SLC26A11: variants seen among roughly 807,000 people sequenced by gnomAD.
SLC26A11 encodes the protein solute carrier family 26 member 11.
In SLC26A11, 58 loss-of-function variants were observed where a neutral mutation model predicts 62.2. The ratio of observed to expected loss-of-function variants is 0.93; its 90% CI spans 0.76 to 1.16. SLC26A11 has a LOEUF of 1.16. Ranked by LOEUF, SLC26A11 falls within the 50% of genes most tolerant of loss-of-function variation. The pLI, the probability that SLC26A11 is intolerant of heterozygous loss-of-function variation, is 0.00. For missense variants in SLC26A11, 790 were observed against 794.3 expected, an observed-to-expected ratio of 0.99 and a Z score of 0.06; for synonymous variants, 411 against 368.9, an observed-to-expected ratio of 1.11 and a Z score of -1.31.
intron 7 of SLC26A11, among the ~76,000 whole-genome samples, chr17:80,232,498 A>T (rs1480369411): frequency 6.6e-6 from 1 of 151,984 alleles, no homozygotes; most frequent in Non-Finnish European, 1.5e-5. Context: ...CAAGTGATCC[A>T]CCTGCCTTGG....
rs766417800 is a variant in SLC26A11, at chr17:80,227,927, C to T, written c.703C>T (p.Leu235Phe). Residue 235 changes from leucine (L) to phenylalanine (F), a missense_variant, in exon 7 of 18, where the codon CTC (leucine) becomes TTC (phenylalanine). Physicochemically the swap from Leu to Phe is conservative, Grantham distance 22 (BLOSUM62 0). Coordinates refer to ENST00000361193, the MANE Select transcript of SLC26A11 (RefSeq NM_001166347.2). ...VHPEMPPGVR[L>F]SRGLVWAATT... ...CCCCGAGATGCCCCCTGGTGTGCGG[C>T]TCAGCCGTGGGCTGGTCTGGGCTGC... The T allele has an allele frequency of 1.2e-5, 19 of 1,600,808 alleles. No homozygotes were observed. The highest frequency in any genetic ancestry group is 1.6e-4 in the Middle Eastern group (1 of 6,076).
At chr17:80,245,652 G>A (rs939890675) in intron 11 of SLC26A11, among the ~76,000 whole-genome samples, 3 of 152,188 alleles carry the variant, frequency 2.0e-5, no homozygotes, top group African/African-American at 4.8e-5. Flanking sequence ...GCACGCCAAA[G>A]CCCTCCTAGC....
intron 6 of SLC26A11, among the ~76,000 whole-genome samples, chr17:80,226,550 AATT>A (rs1459267471): frequency 6.6e-6 from 1 of 152,010 alleles, no homozygotes; most frequent in Non-Finnish European, 1.5e-5. Flanking sequence ...AAAATACAAA[AATT>A]AGTCGGGTGT....
intron 10 of SLC26A11, 92 bp downstream of exon 10, chr17:80,241,913 C>G: frequency 7.2e-7 from 1 of 1,385,180 alleles, no homozygotes; most frequent in Non-Finnish European, 1.0e-6. Context: ...GTAGGAAGAC[C>G]ATGATGGTGG....
At chr17:80,229,175 C>G (rs1474859998) in intron 7 of SLC26A11, among the ~76,000 whole-genome samples, 1 of 151,876 alleles carries the variant, frequency 6.6e-6, no homozygotes, top group Non-Finnish European at 1.5e-5. Context: ...GGATTTAGCT[C>G]TTGAGTCACT....
intron 2 of SLC26A11, 189 bp downstream of exon 2, chr17:80,221,304 G>A (rs539219711): frequency 4.3e-6 from 2 of 466,418 alleles, no homozygotes; most frequent in Admixed American, 8.7e-5. Context: ...AGGGACAGAA[G>A]GCACCCAGGA....
At chr17:80,235,916 T>C (rs147655311) in intron 7 of SLC26A11, among the ~76,000 whole-genome samples, 1 of 152,374 alleles carries the variant, frequency 6.6e-6, no homozygotes, top group Non-Finnish European at 1.5e-5. Flanking sequence ...TAAAGTTTTA[T>C]TGGAAAATCA....
At chr17:80,244,845 G>C (rs1301116930) in intron 10 of SLC26A11, among the ~76,000 whole-genome samples, 2 of 152,086 alleles carry the variant, frequency 1.3e-5, no homozygotes, top group Non-Finnish European at 2.9e-5. Flanking sequence ...GCGTGGTAGT[G>C]TGTGCCTGTA....
intron 7 of SLC26A11, among the ~76,000 whole-genome samples, chr17:80,236,247 CT>C (rs2060455509): frequency 6.6e-6 from 1 of 152,236 alleles, no homozygotes; most frequent in Admixed American, 6.5e-5. Flanking sequence ...GACCAGTTCT[CT>C]GCTGCACATC....
chr17:80,224,264 C>T (rs12953298), intron 5 of SLC26A11, among the ~76,000 whole-genome samples: 8 of 124,984 alleles, frequency 6.4e-5, no homozygotes, highest in East Asian at 4.9e-4. Flanking sequence ...TGAGTGTGTG[C>T]GTGTGTGAGT....
Position 80,245,313 on chromosome 17 carries a change from C to T in SLC26A11, c.1097+57C>T, listed in dbSNP as rs559898728. On this transcript the variant is annotated intron_variant, in intron 11 of 17. Coordinates refer to ENST00000361193, the MANE Select transcript of SLC26A11 (RefSeq NM_001166347.2). ...CACGTTGGACGCCCTAACGTTGTTA[C>T]GCTGACAAGGAGTCTGCCTGCCCTG... The T allele has an allele frequency of 1.5e-5, 23 of 1,568,318 alleles. No individual in the cohort carries two copies. The East Asian group carries it at 1.6e-4, about 11-fold the overall frequency.
rs1336924926 is a variant in SLC26A11, at chr17:80,238,821, TTTTTTG to T, written c.985+1233_985+1238del. 6.5e-4 allele frequency among the ~76,000 whole-genome samples: 74 copies of T among 114,218 alleles called. 3 individuals are homozygous for T. The highest frequency in any genetic ancestry group is 3.0e-3 in the East Asian group (13 of 4,348). The allele number at this position is 114,218 out of a possible 152,430, so 74.9% of individuals were successfully genotyped here. A position where few individuals can be genotyped will look rare whatever the true frequency, so the allele number is the denominator to read the frequency against. On this transcript the variant is annotated intron_variant, in intron 9 of 17. Transcript: ENST00000361193. ...ACCCCCTTCAAAGGAGTTTTTTTTGTTTTTTGTTTTTTTTTTTTTTTGGAGACAGAG... is the reference window on the plus strand; with the variant it reads ...ACCCCCTTCAAAGGAGTTTTTTTTGTTTTTTTTTTTTTTTTGGAGACAGAG...
intron 16 of SLC26A11, among the ~76,000 whole-genome samples, chr17:80,250,175 G>A (rs1320171372): frequency 6.6e-6 from 1 of 152,160 alleles, no homozygotes; most frequent in African/African-American, 2.4e-5. Flanking sequence ...TCTCTGCCAA[G>A]TCCTAGATGG....
At position 80,248,209 on chromosome 17, in the gene SLC26A11, G is replaced by A. The variant is rs769953901; in HGVS notation, c.1374G>A (p.Leu458=). ...AGTACGGCATCCTGGCCGGGGCCCTGGTGTCTCTGCTCATGCTCCTGCACT... is the reference window on the plus strand; with the variant it reads ...AGTACGGCATCCTGGCCGGGGCCCTAGTGTCTCTGCTCATGCTCCTGCACT... ...EVQYGILAGA[L]VSLLMLLHSA... is the part of the protein sequence containing the mutation. Residue 458 remains leucine, a synonymous_variant, in exon 14 of 18, where the codon CTG becomes CTA. Coordinates refer to ENST00000361193, the MANE Select transcript of SLC26A11 (RefSeq NM_001166347.2). 1 of 1,609,750 alleles carries A rather than the reference G, an allele frequency of 6.2e-7. No individual in the cohort carries two copies. Among genetic ancestry groups the A allele is most frequent in the Non-Finnish European group, 8.5e-7 (1 of 1,179,606 alleles).
intron 7 of SLC26A11, among the ~76,000 whole-genome samples, chr17:80,229,618 T>A (rs1193115832): frequency 6.6e-6 from 1 of 151,746 alleles, no homozygotes; most frequent in East Asian, 1.9e-4. Flanking sequence ...TGAGTAGAGA[T>A]GGGGTTTCAC....
intron 11 of SLC26A11, among the ~76,000 whole-genome samples, chr17:80,245,671 C>T (rs892245668): frequency 3.9e-5 from 6 of 152,172 alleles, no homozygotes; most frequent in African/African-American, 1.4e-4. Flanking sequence ...GCTCCTGGTG[C>T]CAGAGTCAAT....
At chr17:80,221,857 T>A in intron 3 of SLC26A11, 63 bp downstream of exon 3, 1 of 1,468,468 alleles carries the variant, frequency 6.8e-7, no homozygotes, top group South Asian at 1.3e-5. Flanking sequence ...ACAGTATCAA[T>A]CCCAGACACC....
chr17:80,224,364 A>T (rs1340495865), intron 5 of SLC26A11, among the ~76,000 whole-genome samples: 8 of 143,170 alleles, frequency 5.6e-5, no homozygotes, highest in East Asian at 2.1e-4. Flanking sequence ...GGTGTGAGGG[A>T]GTGTGAGTGC....
chr17:80,227,520 G>A (rs2042443945), intron 6 of SLC26A11, among the ~76,000 whole-genome samples: 1 of 152,236 alleles, frequency 6.6e-6, no homozygotes, highest in South Asian at 2.1e-4. Flanking sequence ...ATTGAGTTTT[G>A]AAGTAGAACA....
Sources: gnomAD v4.1 joint callset for allele counts (sites outside exome capture counted in the v4.1 genomes callset) on GRCh38, gnomAD v4.1.1 for gene constraint, MANE v1.5 for transcripts, NCBI Gene and HGNC (gene_info 2026-07-23, HGNC 2026-07-21) for gene names.